PHLPP1: variants seen among roughly 807,000 people sequenced by gnomAD.
PHLPP1 encodes the protein PH domain leucine-rich repeat-containing protein phosphatase 1.
PHLPP1 carries 42 observed loss-of-function variants against 117.2 expected under a neutral mutation model. That is an observed-to-expected ratio of 0.36 (90% CI 0.28 to 0.46). The LOEUF (loss-of-function observed/expected upper bound fraction) is 0.46, where lower values mean the gene tolerates loss of function less well. PHLPP1 is among the 20% of genes least tolerant of loss of function. The pLI, the probability that PHLPP1 is intolerant of heterozygous loss-of-function variation, is 1.00. For synonymous variants in PHLPP1, 1,042 were observed against 970.7 expected, an observed-to-expected ratio of 1.07 and a Z score of -1.37; for missense variants, 2,084 against 2,241.9, an observed-to-expected ratio of 0.93 and a Z score of 1.42.
chr18:62,934,618 G>A (rs894094142), intron 10 of PHLPP1, among the ~76,000 whole-genome samples: 1 of 152,136 alleles, frequency 6.6e-6, no homozygotes, highest in African/African-American at 2.4e-5. Flanking sequence ...GTACTATTTG[G>A]TGGTACCCAA....
intron 10 of PHLPP1, among the ~76,000 whole-genome samples, chr18:62,936,583 G>C (rs532057289): frequency 5.1e-4 from 77 of 152,334 alleles, no homozygotes; most frequent in African/African-American, 1.7e-3. Context: ...AGTAATCAAA[G>C]TTAATATCTC....
intron 1 of PHLPP1, among the ~76,000 whole-genome samples, chr18:62,823,618 C>T (rs1236664920): frequency 6.7e-6 from 1 of 149,322 alleles, no homozygotes; most frequent in East Asian, 1.9e-4. Context: ...ATATATATAT[C>T]TACATATATA....
chr18:62,897,157 T>G (rs1916584301), intron 6 of PHLPP1, among the ~76,000 whole-genome samples: 1 of 152,218 alleles, frequency 6.6e-6, no homozygotes, highest in Non-Finnish European at 1.5e-5. Context: ...TGGCTTGCAC[T>G]GACCTCAGGT....
intron 3 of PHLPP1, among the ~76,000 whole-genome samples, chr18:62,843,420 A>AT (rs1319806589): frequency 1.3e-5 from 2 of 152,108 alleles, no homozygotes; most frequent in South Asian, 2.1e-4. Flanking sequence ...GAGAAATGTT[A>AT]TTTTTTGTTC....
chr18:62,921,105 T>C (rs1463659636), intron 10 of PHLPP1, among the ~76,000 whole-genome samples: 1 of 152,218 alleles, frequency 6.6e-6, no homozygotes, highest in Non-Finnish European at 1.5e-5. Flanking sequence ...CAGTGGCTGT[T>C]AACTTACTTT....
intron 1 of PHLPP1, among the ~76,000 whole-genome samples, chr18:62,815,573 G>A (rs1201277789): frequency 6.6e-6 from 1 of 152,202 alleles, no homozygotes; most frequent in East Asian, 1.9e-4. Flanking sequence ...TCAAAGGATT[G>A]TATGAGTATC....
intron 1 of PHLPP1, among the ~76,000 whole-genome samples, chr18:62,761,702 A>G (rs1912246059): frequency 6.6e-6 from 1 of 152,000 alleles, no homozygotes; most frequent in African/African-American, 2.4e-5. Context: ...TAGTAATGTA[A>G]AGAAAAAATA....
chr18:62,806,847 G>C (rs1913965911), intron 1 of PHLPP1, among the ~76,000 whole-genome samples: 1 of 152,038 alleles, frequency 6.6e-6, no homozygotes, highest in East Asian at 1.9e-4. Flanking sequence ...AAATTTGTTT[G>C]GGATTAGATG....
At chr18:62,836,822 G>A (rs1011890580) in intron 2 of PHLPP1, among the ~76,000 whole-genome samples, 3 of 151,958 alleles carry the variant, frequency 2.0e-5, no homozygotes, top group African/African-American at 7.3e-5. Flanking sequence ...AGCACTTTGG[G>A]AGGCCAAGGC....
At chr18:62,856,222 A>G (rs147909994) in intron 3 of PHLPP1, among the ~76,000 whole-genome samples, 1,717 of 152,162 alleles carry the variant, frequency 0.011, 13 homozygotes, top group Non-Finnish European at 0.018. Context: ...AGCGCCGACC[A>G]TATGTTGGTG....
chr18:62,900,054 T>C (rs1916672202), intron 6 of PHLPP1, among the ~76,000 whole-genome samples: 1 of 152,034 alleles, frequency 6.6e-6, no homozygotes, highest in Non-Finnish European at 1.5e-5. Context: ...CTCAGCACTT[T>C]GGGAGGCCGA....
chr18:62,939,073 C>G (rs1910056238), intron 10 of PHLPP1, among the ~76,000 whole-genome samples: 1 of 149,270 alleles, frequency 6.7e-6, no homozygotes, highest in Non-Finnish European at 1.5e-5. Context: ...TCATTGCAAC[C>G]TCTGCCTCCC....
chr18:62,875,891 T>G (rs1204521136), intron 4 of PHLPP1, among the ~76,000 whole-genome samples: 2 of 151,734 alleles, frequency 1.3e-5, no homozygotes, highest in Non-Finnish European at 2.9e-5. Context: ...CGCCACCACA[T>G]CCGGCTAATT....
intron 14 of PHLPP1, among the ~76,000 whole-genome samples, chr18:62,964,869 C>A (rs1325538652): frequency 6.6e-6 from 1 of 152,236 alleles, no homozygotes; most frequent in Non-Finnish European, 1.5e-5. Context: ...AATATCTACT[C>A]GTGTCTTAAT....
At chr18:62,844,338 C>T (rs1915126403) in intron 3 of PHLPP1, among the ~76,000 whole-genome samples, 1 of 151,952 alleles carries the variant, frequency 6.6e-6, no homozygotes, top group African/African-American at 2.4e-5. Flanking sequence ...GATTTCATCT[C>T]AAAAATAAAT....
chr18:62,826,890 C>T (rs1183352548), intron 1 of PHLPP1, among the ~76,000 whole-genome samples: 2 of 152,024 alleles, frequency 1.3e-5, no homozygotes, highest in Non-Finnish European at 2.9e-5. Context: ...GTCCGAGGTA[C>T]TTGGGAGGCT....
chr18:62,823,858 G>A (rs761289378), intron 1 of PHLPP1, among the ~76,000 whole-genome samples: 1 of 152,120 alleles, frequency 6.6e-6, no homozygotes, highest in Non-Finnish European at 1.5e-5. Flanking sequence ...GGGGCCAGGC[G>A]CGGTGGCTTA....
At position 62,975,638 on chromosome 18, in the gene PHLPP1, G is replaced by A. The variant is rs1262162038; in HGVS notation, c.3984+13G>A. The A allele has an allele frequency of 6.4e-7, 1 of 1,558,990 alleles. No homozygotes were observed. The highest frequency in any genetic ancestry group is 8.8e-7 in the Non-Finnish European group (1 of 1,130,006). On this transcript the variant is annotated intron_variant, in intron 16 of 16. Transcript: ENST00000262719. ...CATTATCACTGAGGTGAGAAAACAGGGGTGTTGCCCAGGATGGTGGAGAGG... is the reference window on the plus strand; with the variant it reads ...CATTATCACTGAGGTGAGAAAACAGAGGTGTTGCCCAGGATGGTGGAGAGG...
chr18:62,803,277 A>G (rs1272005894), intron 1 of PHLPP1, among the ~76,000 whole-genome samples: 5 of 152,166 alleles, frequency 3.3e-5, no homozygotes, highest in Non-Finnish European at 7.3e-5. Context: ...AATATAACAT[A>G]CATTCAGAAA....
Sources: gnomAD v4.1 joint callset for allele counts (sites outside exome capture counted in the v4.1 genomes callset) on GRCh38, gnomAD v4.1.1 for gene constraint, MANE v1.5 for transcripts, NCBI Gene and HGNC (gene_info 2026-07-23, HGNC 2026-07-21) for gene names.